Variants in PLAGL1 observed in about 807,000 individuals in gnomAD.
PLAGL1 encodes PLAG1 like zinc finger 1.
Under a neutral mutation model 4.6 loss-of-function variants are expected in PLAGL1, and 1 was observed. That is an observed-to-expected ratio of 0.22 (90% CI 0.08 to 1.03). PLAGL1 has a LOEUF of 1.03. Ranked by LOEUF, PLAGL1 falls within the 50% of genes least tolerant of loss-of-function variation. PLAGL1 has a pLI of 0.58. For synonymous variants in PLAGL1, 240 were observed against 237.8 expected (o/e 1.01, Z -0.08); for missense variants, 464 against 570.4 (o/e 0.81, Z 1.90).
intron 1 of PLAGL1, chr6:144,007,194 T>A (rs1794411302): frequency 6.6e-6 from 1 of 152,222 alleles, no homozygotes; most frequent in Admixed American, 6.5e-5. Flanking sequence ...GAACATTTTA[T>A]CTTTTCCCTC....
intron 1 of PLAGL1, among the ~76,000 whole-genome samples, chr6:144,035,362 G>A (rs1797144063): frequency 6.6e-6 from 1 of 152,218 alleles, no homozygotes; most frequent in Non-Finnish European, 1.5e-5. Flanking sequence ...GTAAGTCCAA[G>A]AGTCCAAAAG....
Position 143,971,567 on chromosome 6 carries a change from A to G in PLAGL1, c.-543-2589T>C, listed in dbSNP as rs1419432874. ...ATAGGTTATAAGTTGAGAATAGCTA[A>G]GAAATTGGGTTTGTCCCAGTGTTCT... On this transcript the variant is annotated intron_variant, in intron 2 of 7. Coordinates refer to ENST00000674357, the MANE Select transcript of PLAGL1 (RefSeq NM_001317162.2). The surrounding 1 kb of genome is among the most constrained non-coding windows in gnomAD (Gnocchi z 4.7). Among the ~76,000 whole-genome samples the G allele has an allele frequency of 6.6e-6, 1 of 152,242 alleles. No individual in the cohort carries two copies. The highest frequency in any genetic ancestry group is 1.5e-5 in the Non-Finnish European group (1 of 68,034).
In PLAGL1 at chr6:143,955,375, G is replaced by A. The variant is rs1781906729; in HGVS notation, c.-325+5094C>T. 6.6e-6 allele frequency among the ~76,000 whole-genome samples: 1 copy of A among 152,192 alleles called. No individual in the cohort carries two copies. The highest frequency in any genetic ancestry group is 2.4e-5 in the African/African-American group (1 of 41,444). ...GGCTAGAGAGATGGAGAATCGTGAA[G>A]GGTCCACTCTACAAGGGGAAGGTGG... On this transcript the variant is annotated intron_variant, in intron 6 of 7. Transcript: ENST00000674357. The surrounding 1 kb of genome is among the most constrained non-coding windows in gnomAD (Gnocchi z 4.9).
chr6:144,038,888 A>G (rs1429835668), intron 1 of PLAGL1, among the ~76,000 whole-genome samples: 1 of 152,224 alleles, frequency 6.6e-6, no homozygotes, highest in African/African-American at 2.4e-5. Context: ...ATAGTGGAAA[A>G]TGCACAACTC....
At position 144,048,334 on chromosome 6, in the gene PLAGL1, A is replaced by C. The variant is rs911816254; in HGVS notation, c.-151+16134T>G. ...CCCTCTTCTCACAGCTCCATTAGGC[A>C]GTGCCCCAGTGGGGACTCTGTGTGG... On this transcript the variant is annotated intron_variant, in intron 1 of 3. Coordinates refer to the PLAGL1 transcript ENST00000437412. This position sits in a 1 kb window ranked among gnomAD's most constrained non-coding sequence, Gnocchi z 4.8. 6.6e-6 allele frequency among the ~76,000 whole-genome samples: 1 copy of C among 152,204 alleles called. No homozygotes were observed. The highest frequency in any genetic ancestry group is 2.4e-5 in the African/African-American group (1 of 41,452).
intron 1 of PLAGL1, among the ~76,000 whole-genome samples, chr6:143,993,577 G>C (rs948364359): frequency 2.0e-5 from 3 of 152,006 alleles, no homozygotes; most frequent in Non-Finnish European, 4.4e-5. Flanking sequence ...CATTAGCCAA[G>C]GAAAACTTTT....
At chr6:143,987,351 G>A (rs1789426468) in intron 1 of PLAGL1, among the ~76,000 whole-genome samples, 1 of 150,892 alleles carries the variant, frequency 6.6e-6, no homozygotes, top group Non-Finnish European at 1.5e-5. Flanking sequence ...GTTAATGGCA[G>A]GTTGGCTCTA....
At position 144,063,216 on chromosome 6, in the gene PLAGL1, C is replaced by A. The variant is rs1023242046; in HGVS notation, c.-151+1252G>T. On this transcript the variant is annotated intron_variant, in intron 1 of 3. Coordinates refer to the PLAGL1 transcript ENST00000437412. This position sits in a 1 kb window ranked among gnomAD's most constrained non-coding sequence, Gnocchi z 5.7. ...CCGGAACTTTGTAGTATTCCAATTTCTCCCCTTTCCACACACTTCCATACA... is the reference window on the plus strand; with the variant it reads ...CCGGAACTTTGTAGTATTCCAATTTATCCCCTTTCCACACACTTCCATACA... Among the ~76,000 whole-genome samples the A allele has an allele frequency of 2.0e-5, 3 of 152,198 alleles. No homozygotes were observed. Among genetic ancestry groups the A allele is most frequent in the Admixed American group, 6.5e-5 (1 of 15,280 alleles).
At chr6:144,021,503 C>T (rs573052876) in intron 1 of PLAGL1, among the ~76,000 whole-genome samples, 1 of 152,222 alleles carries the variant, frequency 6.6e-6, no homozygotes, top group Non-Finnish European at 1.5e-5. Flanking sequence ...GAAATGAGAC[C>T]TGCTTTTTAA....
At chr6:143,987,576 G>A (rs1408340883) in intron 1 of PLAGL1, among the ~76,000 whole-genome samples, 2 of 151,128 alleles carry the variant, frequency 1.3e-5, no homozygotes, top group African/African-American at 2.4e-5. Context: ...AGGTGGGTAA[G>A]CAAAAGATCA....
chr6:143,979,215 A>C lies in PLAGL1; in HGVS notation c.-544+5920T>G, dbSNP rs1240251137. The stretch of plus-strand genomic sequence containing the variant: ...TGTAGGCAGCATATAGTTAGTTCTC[A>C]AAGCGTTTTGTATGTATTAAATCTG... On this transcript the variant is annotated intron_variant, in intron 2 of 7. Coordinates refer to ENST00000674357, the MANE Select transcript of PLAGL1 (RefSeq NM_001317162.2). The surrounding 1 kb of genome is among the most constrained non-coding windows in gnomAD (Gnocchi z 4.6). Among the ~76,000 whole-genome samples the C allele has an allele frequency of 6.6e-6, 1 of 152,152 alleles. No individual in the cohort carries two copies. The highest frequency in any genetic ancestry group is 1.5e-5 in the Non-Finnish European group (1 of 67,978).
In PLAGL1 at chr6:143,972,833, ACTT is replaced by A. The variant is rs1284229027; in HGVS notation, c.-543-3858_-543-3856del. Among the ~76,000 whole-genome samples, 1 of 152,166 alleles carries A rather than the reference ACTT, an allele frequency of 6.6e-6. No individual in the cohort carries two copies. Among genetic ancestry groups the A allele is most frequent in the African/African-American group, 2.4e-5 (1 of 41,446 alleles). ...TCATGGTTAATATTTGTTTTACTCT[ACTT>A]CTGTGTTTAAAAAAAGAGGGCGGGT... is the stretch of plus-strand genomic sequence containing the variant. On this transcript the variant is annotated intron_variant, in intron 2 of 7. Transcript: ENST00000674357. The surrounding 1 kb of genome is among the most constrained non-coding windows in gnomAD (Gnocchi z 6.8).
rs998255965 is a variant in PLAGL1, at chr6:143,960,085, C to A, written c.-325+384G>T. On this transcript the variant is annotated intron_variant, in intron 6 of 7. Transcript: ENST00000674357. This position sits in a 1 kb window ranked among gnomAD's most constrained non-coding sequence, Gnocchi z 5.7. The stretch of plus-strand genomic sequence containing the variant: ...GTCGACATCTGCCACAAAGACAGGA[C>A]AACCTCTTACACATCTTATGTACAC... Among the ~76,000 whole-genome samples, 2 of 152,226 alleles carry A rather than the reference C, an allele frequency of 1.3e-5. No individual in the cohort carries two copies. Among genetic ancestry groups the A allele is most frequent in the Non-Finnish European group, 2.9e-5 (2 of 68,042 alleles).
chr6:144,062,720 C>A (rs1376510728), intron 1 of PLAGL1, among the ~76,000 whole-genome samples: 1 of 152,124 alleles, frequency 6.6e-6, no homozygotes, highest in Non-Finnish European at 1.5e-5. Flanking sequence ...CCCAACTTAA[C>A]AGAGAGGGCT....
rs1232035160 is a variant in PLAGL1 at position 144,015,250 on chromosome 6, A to G, written c.-150-46272T>C. Among the ~76,000 whole-genome samples, 1 of 152,234 alleles carries G rather than the reference A, an allele frequency of 6.6e-6. No homozygotes were observed. The highest frequency in any genetic ancestry group is 1.5e-5 in the Non-Finnish European group (1 of 68,044). ...TGAAATAATATTTTAGATATATTGCATATAATTCAAAGTAACTTAAACTAT... is the reference window on the plus strand; with the variant it reads ...TGAAATAATATTTTAGATATATTGCGTATAATTCAAAGTAACTTAAACTAT... On this transcript the variant is annotated intron_variant, in intron 1 of 3. Coordinates refer to the PLAGL1 transcript ENST00000437412. This position sits in a 1 kb window ranked among gnomAD's most constrained non-coding sequence, Gnocchi z 4.3.
At chr6:143,974,412 G>C (rs1324625515) in intron 2 of PLAGL1, among the ~76,000 whole-genome samples, 3 of 151,894 alleles carry the variant, frequency 2.0e-5, no homozygotes, top group African/African-American at 7.3e-5. Flanking sequence ...GAGGTCACCA[G>C]TGACCTCCAG....
rs1003227604 is a variant in PLAGL1 at position 144,059,250 on chromosome 6, C to T, written c.-151+5218G>A. ...GGAGCTCTACCTGGGGCCCTTTGAA[C>T]CAAGACTGGAACTGGAGCAGTGGAA... is the stretch of plus-strand genomic sequence containing the variant. On this transcript the variant is annotated intron_variant, in intron 1 of 3. Transcript: ENST00000437412. This position sits in a 1 kb window ranked among gnomAD's most constrained non-coding sequence, Gnocchi z 4.9. Among the ~76,000 whole-genome samples the T allele has an allele frequency of 6.6e-6, 1 of 152,232 alleles. No individual in the cohort carries two copies. Among genetic ancestry groups the T allele is most frequent in the Non-Finnish European group, 1.5e-5 (1 of 68,038 alleles).
intron 1 of PLAGL1, among the ~76,000 whole-genome samples, chr6:144,051,359 A>G (rs1252856610): frequency 3.3e-5 from 5 of 152,226 alleles, no homozygotes; most frequent in African/African-American, 1.2e-4. Flanking sequence ...CACTTTCCTC[A>G]CACTAATTCT....
upstream of PLAGL1, among the ~76,000 whole-genome samples, chr6:144,010,705 C>T (rs949237728): frequency 6.6e-6 from 1 of 152,090 alleles, no homozygotes; most frequent in Admixed American, 6.5e-5. This position sits in a 1 kb window ranked among gnomAD's most constrained non-coding sequence, Gnocchi z 4.1. Flanking sequence ...CTTCAAACTA[C>T]ACTACAAGGC....
Sources: gnomAD v4.1 joint callset for allele counts (sites outside exome capture counted in the v4.1 genomes callset) on GRCh38, gnomAD v4.1.1 for gene constraint, Gnocchi (gnomAD v3.1) non-coding constraint, MANE v1.5 for transcripts, NCBI Gene and HGNC (gene_info 2026-07-23, HGNC 2026-07-21) for gene names.